Variants in SAMD5 observed in about 807,000 individuals in gnomAD.
SAMD5 encodes the protein sterile alpha motif domain containing 5.
A neutral mutation model predicts 11.3 loss-of-function variants in SAMD5; 13 were observed. That is an observed-to-expected ratio of 1.15 (90% CI 0.75 to 1.83). The LOEUF (loss-of-function observed/expected upper bound fraction) is 1.83. Among genes scored for constraint, SAMD5 ranks in the 40% most tolerant of loss-of-function variants. The pLI is 0.00. For synonymous variants in SAMD5, 129 were observed against 111.3 expected (o/e 1.16, Z -1.00); for missense variants, 255 against 239.1 (o/e 1.07, Z -0.44).
At chr6:147,695,418 T>A (rs1412797506) in intron 1 of SAMD5, among the ~76,000 whole-genome samples, 1 of 151,978 alleles carries the variant, frequency 6.6e-6, no homozygotes, top group Non-Finnish European at 1.5e-5. Flanking sequence ...GATGATAATT[T>A]AGGTGATACC....
At chr6:147,799,208 A>G in the SAMD5 span, among the ~76,000 whole-genome samples, 11 of 151,900 alleles carry the variant, frequency 7.2e-5, no homozygotes, top group East Asian at 1.9e-4. Context: ...GGCTGGTACC[A>G]GTTGTTCCTT....
the SAMD5 span, among the ~76,000 whole-genome samples, chr6:147,803,991 C>T: frequency 6.6e-6 from 1 of 152,222 alleles, no homozygotes; most frequent in Non-Finnish European, 1.5e-5. Context: ...CACTTAGGTG[C>T]CACTACCTTG....
chr6:147,790,896 C>T, the SAMD5 span, among the ~76,000 whole-genome samples: 1 of 149,764 alleles, frequency 6.7e-6, no homozygotes, highest in African/African-American at 2.4e-5. Context: ...TCAGATTGAA[C>T]ATCAGAAATT....
chr6:147,652,848 A>C (rs1790510597), intron 1 of SAMD5, among the ~76,000 whole-genome samples: 1 of 152,068 alleles, frequency 6.6e-6, no homozygotes, highest in African/African-American at 2.4e-5. Context: ...TTATTTATTT[A>C]CTTGGTGCCA....
the SAMD5 span, among the ~76,000 whole-genome samples, chr6:147,793,695 A>C: frequency 6.6e-6 from 1 of 152,108 alleles, no homozygotes; most frequent in African/African-American, 2.4e-5. Context: ...CTTTTTGACA[A>C]TGGTGAATAC....
At chr6:147,855,990 A>G in the SAMD5 span, among the ~76,000 whole-genome samples, 1 of 152,204 alleles carries the variant, frequency 6.6e-6, no homozygotes, top group African/African-American at 2.4e-5. Context: ...GTACATGCAA[A>G]TTGTATTTGT....
chr6:147,940,693 C>T, the SAMD5 span, among the ~76,000 whole-genome samples: 35 of 152,232 alleles, frequency 2.3e-4, no homozygotes, highest in East Asian at 5.4e-3. Flanking sequence ...CCAGGCACAG[C>T]GGCTCACACC....
chr6:147,629,757 G>A (rs538415412), intron 1 of SAMD5, among the ~76,000 whole-genome samples: 3 of 152,234 alleles, frequency 2.0e-5, no homozygotes, highest in African/African-American at 4.8e-5. Flanking sequence ...TCCTGACCAT[G>A]TGGTTTCTTC....
chr6:147,573,891 G>A (rs145420647), downstream of SAMD5, among the ~76,000 whole-genome samples: 18 of 152,118 alleles, frequency 1.2e-4, no homozygotes, highest in Non-Finnish European at 2.2e-4. Context: ...TTGGGAGGCC[G>A]AGGAGGGCAG....
chr6:147,778,842 G>C, the SAMD5 span, among the ~76,000 whole-genome samples: 1 of 148,436 alleles, frequency 6.7e-6, no homozygotes, highest in East Asian at 1.9e-4. Context: ...TTGCCTGAAA[G>C]AGTACTGATT....
the SAMD5 span, among the ~76,000 whole-genome samples, chr6:147,798,267 G>T: frequency 1.3e-5 from 2 of 149,676 alleles, no homozygotes; most frequent in African/African-American, 5.0e-5. Flanking sequence ...GGTATGTTGT[G>T]TCTTTGTTCT....
chr6:147,878,681 AT>A, the SAMD5 span, among the ~76,000 whole-genome samples: 138 of 150,532 alleles, frequency 9.2e-4, no homozygotes, highest in African/African-American at 3.2e-3. Flanking sequence ...ATATGTAGAT[AT>A]ATTATCTAGT....
chr6:147,918,411 A>G, the SAMD5 span, among the ~76,000 whole-genome samples: 3 of 152,004 alleles, frequency 2.0e-5, no homozygotes, highest in Non-Finnish European at 4.4e-5. Context: ...CAAAAACTGG[A>G]AGCATTCCCT....
At chr6:147,548,627 C>A (rs1788721413) in intron 1 of SAMD5, among the ~76,000 whole-genome samples, 1 of 152,182 alleles carries the variant, frequency 6.6e-6, no homozygotes, top group Admixed American at 6.5e-5. Context: ...TCAAATGCTT[C>A]TCCCAAAGGT....
At chr6:147,692,108 G>T (rs1791112627) in intron 1 of SAMD5, among the ~76,000 whole-genome samples, 1 of 152,112 alleles carries the variant, frequency 6.6e-6, no homozygotes, top group Non-Finnish European at 1.5e-5. Flanking sequence ...TTGAAATATG[G>T]AAATTCTAGT....
At chr6:147,787,951 A>T in the SAMD5 span, among the ~76,000 whole-genome samples, 3 of 152,230 alleles carry the variant, frequency 2.0e-5, no homozygotes, top group Admixed American at 6.5e-5. Context: ...AAAGGAGAAC[A>T]TATTTGGCTT....
intron 1 of SAMD5, among the ~76,000 whole-genome samples, chr6:147,720,170 A>G (rs373834458): frequency 4.6e-5 from 7 of 152,288 alleles, no homozygotes; most frequent in East Asian, 1.9e-4. Flanking sequence ...AGTGACACCA[A>G]TGGAGATTTA....
the SAMD5 span, among the ~76,000 whole-genome samples, chr6:147,933,890 C>T: frequency 7.2e-5 from 11 of 152,242 alleles, no homozygotes. Flanking sequence ...AAATATTGTT[C>T]AAGTTGCAGG....
intron 1 of SAMD5, among the ~76,000 whole-genome samples, chr6:147,533,600 C>A (rs1382242421): frequency 6.6e-6 from 1 of 151,952 alleles, no homozygotes; most frequent in East Asian, 1.9e-4. Flanking sequence ...GGAGTCCAGC[C>A]GAATGAGGAG....
Sources: gnomAD v4.1 joint callset for allele counts (sites outside exome capture counted in the v4.1 genomes callset) on GRCh38, gnomAD v4.1.1 for gene constraint, MANE v1.5 for transcripts, NCBI Gene and HGNC (gene_info 2026-07-23, HGNC 2026-07-21) for gene names.